The following RAG1 variants were observed in gnomAD, a reference collection of about 807,000 sequenced individuals.
RAG1 encodes recombination activating 1, also known as V(D)J recombination-activating protein 1.
A neutral mutation model predicts 62.7 loss-of-function variants in RAG1; 35 were observed. That is an observed-to-expected ratio of 0.56 (90% CI 0.43 to 0.74). The LOEUF (loss-of-function observed/expected upper bound fraction) is 0.74. Among genes scored for constraint, RAG1 ranks in the 30% least tolerant of loss-of-function variants. The pLI, the probability that RAG1 is intolerant of heterozygous loss-of-function variation, is 0.00. For synonymous variants in RAG1, 461 were observed against 470.3 expected (o/e 0.98, Z 0.26); for missense variants, 1,169 against 1,278.6 (o/e 0.91, Z 1.31).
In RAG1 at chr11:36,575,825, C is replaced by G. The variant is rs104894287; in HGVS notation, c.2521C>G (p.Arg841Gly). 6.2e-7 allele frequency: 1 copy of G among 1,614,076 alleles called. No homozygotes were observed. Among genetic ancestry groups the G allele is most frequent in the African/African-American group, 1.3e-5 (1 of 74,922 alleles). Reference protein sequence around the residue: ...RWQATLDKHLRKKMNLKPIMR... With the variant: ...RWQATLDKHLGKKMNLKPIMR... ...GCAGGCCACACTGGACAAGCATCTC[C>G]GGAAGAAGATGAACCTCAAACCAAT... Residue 841 changes from arginine (R) to glycine (G), a missense_variant, in exon 2 of 2, where the codon CGG becomes GGG. Physicochemically the swap from Arg to Gly is moderately radical, Grantham distance 125. Coordinates refer to ENST00000299440, the MANE Select transcript of RAG1 (RefSeq NM_000448.3). The surrounding 1 kb of genome is among the most constrained non-coding windows in gnomAD (Gnocchi z 4.1).
chr11:36,522,110 C>T (rs1380785198), intron 2 of RAG1, among the ~76,000 whole-genome samples: 22 of 152,002 alleles, frequency 1.4e-4, no homozygotes, highest in Non-Finnish European at 2.9e-4. Context: ...AAGCCAGCTG[C>T]AGAAATTTGC....
downstream of RAG1, among the ~76,000 whole-genome samples, chr11:36,540,242 A>G (rs1429190871): frequency 2.6e-5 from 4 of 152,126 alleles, no homozygotes; most frequent in African/African-American, 9.7e-5. Context: ...TGTAATCTTC[A>G]ACCAGTTTTG....
chr11:36,529,558 G>A (rs750946420), intron 2 of RAG1, among the ~76,000 whole-genome samples: 6 of 152,128 alleles, frequency 3.9e-5, no homozygotes, highest in Non-Finnish European at 7.4e-5. Flanking sequence ...GCAAAAACTG[G>A]AAGCATTCCC....
intron 3 of RAG1, among the ~76,000 whole-genome samples, chr11:36,557,650 C>T (rs1015070452): frequency 2.7e-5 from 4 of 150,900 alleles, no homozygotes; most frequent in Non-Finnish European, 5.9e-5. Context: ...TTAATTACTT[C>T]TTTAAAGAGT....
chr11:36,541,893 C>T (rs1166240715), intron 3 of RAG1, among the ~76,000 whole-genome samples: 1 of 152,004 alleles, frequency 6.6e-6, no homozygotes, highest in Non-Finnish European at 1.5e-5. Flanking sequence ...AAAAAAAAAC[C>T]ACCTACCGCC....
At chr11:36,547,699 A>G (rs573441094) in intron 3 of RAG1, among the ~76,000 whole-genome samples, 1 of 152,328 alleles carries the variant, frequency 6.6e-6, no homozygotes, top group Non-Finnish European at 1.5e-5. Context: ...CAGAGGTACA[A>G]AGAGGAGCTG....
Position 36,574,280 on chromosome 11 carries a change from A to G in RAG1, c.976A>G (p.Ser326Gly). ...TCTCAGATGCCTCAAAGTCATGGGC[A>G]GCTATTGTCCCTCTTGCCGATATCC... ...CILRCLKVMG[S>G]YCPSCRYPCF... Residue 326 changes from serine to glycine, a missense_variant, in exon 2 of 2, where the codon AGC becomes GGC. Ser to Gly is a moderately conservative substitution (Grantham distance 56, BLOSUM62 0). Transcript: ENST00000299440. 6.2e-7 allele frequency: 1 copy of G among 1,614,208 alleles called. No individual in the cohort carries two copies. The highest frequency in any genetic ancestry group is 8.5e-7 in the Non-Finnish European group (1 of 1,180,038).
chr11:36,513,474 C>T (rs911036957), intron 1 of RAG1, among the ~76,000 whole-genome samples: 8 of 152,190 alleles, frequency 5.3e-5, no homozygotes, highest in Non-Finnish European at 1.0e-4. Flanking sequence ...TTCATTAGCT[C>T]AAAATACACT....
At chr11:36,547,533 G>A (rs969607109) in intron 3 of RAG1, among the ~76,000 whole-genome samples, 1 of 152,108 alleles carries the variant, frequency 6.6e-6, no homozygotes, top group Non-Finnish European at 1.5e-5. Context: ...AGAAGAAATG[G>A]ATAAATTCAT....
intron 3 of RAG1, among the ~76,000 whole-genome samples, chr11:36,542,649 AGAG>A (rs1850325312): frequency 6.6e-6 from 1 of 152,162 alleles, no homozygotes; most frequent in Non-Finnish European, 1.5e-5. Context: ...AAGAACAGTG[AGAG>A]GAGAATTGGG....
upstream of RAG1, among the ~76,000 whole-genome samples, chr11:36,566,250 G>T (rs1359790703): frequency 6.6e-6 from 1 of 151,716 alleles, no homozygotes; most frequent in Non-Finnish European, 1.5e-5. Flanking sequence ...TGCTTTGGAG[G>T]TTATGGGCAA....
chr11:36,515,528 C>T (rs1859984028), intron 1 of RAG1: 2 of 152,276 alleles, frequency 1.3e-5, no homozygotes, highest in African/African-American at 4.8e-5. Context: ...CCTTAAAATA[C>T]ACTGTAAGTG....
chr11:36,538,322 A>T (rs1426804033), downstream of RAG1, among the ~76,000 whole-genome samples: 1 of 152,162 alleles, frequency 6.6e-6, no homozygotes. Flanking sequence ...GGCCAGCTGC[A>T]GTCCCAAATG....
intron 3 of RAG1, among the ~76,000 whole-genome samples, chr11:36,545,275 C>T (rs769078874): frequency 1.3e-5 from 2 of 152,076 alleles, no homozygotes; most frequent in African/African-American, 4.8e-5. Flanking sequence ...CATGTTAAAG[C>T]TTTAACCTCC....
chr11:36,518,549 G>A (rs1387786642), intron 1 of RAG1, among the ~76,000 whole-genome samples: 2 of 152,132 alleles, frequency 1.3e-5, no homozygotes, highest in Non-Finnish European at 2.9e-5. Context: ...GGTGTGAGAT[G>A]GTATCTCATT....
At position 36,535,541 on chromosome 11, in the gene RAG1, C is replaced by T. The variant is rs980133000; in HGVS notation, n.429-418C>T. Among the ~76,000 whole-genome samples the T allele has an allele frequency of 7.2e-5, 11 of 152,196 alleles. 1 individual carries two copies. The highest frequency in any genetic ancestry group is 2.4e-5 in the African/African-American group (1 of 41,538). The stretch of plus-strand genomic sequence containing the variant: ...GGCAAATCACCTGAGCTCAGGAGTT[C>T]GAGACCAGCCTGGCCAACATGGTGA... On this transcript the variant is annotated intron_variant and non_coding_transcript_variant, in intron 2 of 2. Transcript: ENST00000529126.
intron 2 of RAG1, among the ~76,000 whole-genome samples, chr11:36,531,848 T>G (rs999255078): frequency 6.6e-6 from 1 of 152,056 alleles, no homozygotes; most frequent in Non-Finnish European, 1.5e-5. Context: ...TATTTTATAC[T>G]TTATTGCAAT....
At chr11:36,533,825 T>C (rs901650182) in intron 2 of RAG1, among the ~76,000 whole-genome samples, 1 of 152,224 alleles carries the variant, frequency 6.6e-6, no homozygotes, top group South Asian at 2.1e-4. Context: ...GGTGATCGTA[T>C]GTATGATATT....
intron 1 of RAG1, among the ~76,000 whole-genome samples, chr11:36,513,111 T>C (rs1016171686): frequency 3.3e-5 from 5 of 152,174 alleles, no homozygotes; most frequent in Non-Finnish European, 4.4e-5. Context: ...CAGCCCCGTC[T>C]TTCTCTCCAT....
Sources: allele counts gnomAD v4.1 joint callset (sites outside exome capture counted in the v4.1 genomes callset), GRCh38; gene constraint gnomAD v4.1.1; non-coding constraint Gnocchi (gnomAD v3.1); transcripts MANE v1.5; gene names NCBI Gene and HGNC (gene_info 2026-07-23, HGNC 2026-07-21).